The following BBS9 variants were observed in gnomAD, a reference collection of about 807,000 sequenced individuals.
The protein encoded by BBS9 is Bardet-Biedl syndrome 9, also known as protein PTHB1.
A neutral mutation model predicts 117.7 loss-of-function variants in BBS9; 89 were observed. The ratio of observed to expected loss-of-function variants is 0.76; its 90% CI spans 0.64 to 0.90. BBS9 has a LOEUF of 0.90. BBS9 is among the 40% of genes least tolerant of loss of function. The probability of loss-of-function intolerance (pLI) is 0.00; values close to 1 mark genes in which losing one functional copy is unlikely to be tolerated. For synonymous variants in BBS9, 379 were observed against 370.9 expected, an observed-to-expected ratio of 1.02 and a Z score of -0.25; for missense variants, 982 against 1,042.2, an observed-to-expected ratio of 0.94 and a Z score of 0.80.
intron 1 of BBS9, among the ~76,000 whole-genome samples, chr7:33,131,186 G>A (rs189304534): frequency 2.4e-4 from 37 of 152,264 alleles, no homozygotes; most frequent in Admixed American, 4.6e-4. Context: ...CACTACCACC[G>A]TCTCTTTCAA....
chr7:33,514,069 A>G (rs536069104), intron 20 of BBS9, among the ~76,000 whole-genome samples: 2 of 152,354 alleles, frequency 1.3e-5, no homozygotes, highest in East Asian at 3.9e-4. Flanking sequence ...AAGCAACCTA[A>G]AAGCTAATAG....
intron 5 of BBS9, among the ~76,000 whole-genome samples, chr7:33,256,372 T>C (rs767161518): frequency 4.6e-5 from 7 of 152,228 alleles, no homozygotes; most frequent in Non-Finnish European, 1.0e-4. Context: ...ACAATACTTA[T>C]CCTAGAACAT....
chr7:33,176,572 C>T (rs150269788), intron 4 of BBS9, among the ~76,000 whole-genome samples: 8 of 152,068 alleles, frequency 5.3e-5, no homozygotes, highest in Admixed American at 2.0e-4. Context: ...TTCTTCTGGA[C>T]AAACAAACCC....
chr7:33,170,302 G>A (rs1224014059), intron 4 of BBS9, among the ~76,000 whole-genome samples: 1 of 147,018 alleles, frequency 6.8e-6, no homozygotes, highest in Admixed American at 6.8e-5. Context: ...TTCAATATAT[G>A]CAAATCAATA....
At chr7:33,597,085 A>T (rs948030193) in intron 21 of BBS9, among the ~76,000 whole-genome samples, 2 of 147,652 alleles carry the variant, frequency 1.4e-5, no homozygotes, top group Non-Finnish European at 3.0e-5. Flanking sequence ...ACACACACAC[A>T]CACACACACA....
intron 19 of BBS9, among the ~76,000 whole-genome samples, chr7:33,425,898 T>C (rs965435443): frequency 7.9e-5 from 12 of 152,098 alleles, no homozygotes; most frequent in South Asian, 2.1e-4. Context: ...GAGAACAAAC[T>C]AAAGTAAGCA....
At chr7:33,306,076 G>T (rs914443730) in intron 9 of BBS9, among the ~76,000 whole-genome samples, 7 of 151,972 alleles carry the variant, frequency 4.6e-5, no homozygotes, top group Non-Finnish European at 1.0e-4. Context: ...ATATCTCATA[G>T]ATTTTGGTAT....
At chr7:33,190,123 T>G (rs1343242863) in intron 5 of BBS9, among the ~76,000 whole-genome samples, 1 of 144,770 alleles carries the variant, frequency 6.9e-6, no homozygotes, top group Non-Finnish European at 1.5e-5. Flanking sequence ...TGGGGATTTT[T>G]TTTTTTTTTT....
At chr7:33,137,585 G>A (rs915784889) in intron 1 of BBS9, among the ~76,000 whole-genome samples, 4 of 152,108 alleles carry the variant, frequency 2.6e-5, no homozygotes, top group African/African-American at 9.7e-5. Flanking sequence ...GGAAATTAGT[G>A]GTATCCCAAC....
intron 4 of BBS9, among the ~76,000 whole-genome samples, chr7:33,164,955 G>A (rs1029223162): frequency 1.1e-4 from 17 of 152,114 alleles, no homozygotes; most frequent in Middle Eastern, 3.4e-3. Context: ...GTGTTTTTGC[G>A]GTGGCTGATA....
intron 21 of BBS9, among the ~76,000 whole-genome samples, chr7:33,575,689 A>T (rs577251128): frequency 6.6e-6 from 1 of 152,192 alleles, no homozygotes; most frequent in Non-Finnish European, 1.5e-5. Context: ...CCAGCAGCAC[A>T]TCAAAAAGCT....
In BBS9 at chr7:33,146,288, T is replaced by A. The variant is rs763234464; in HGVS notation, c.36T>A (p.Thr12=). 6.2e-7 allele frequency: 1 copy of A among 1,614,136 alleles called. No individual in the cohort carries two copies. Among genetic ancestry groups the A allele is most frequent in the Non-Finnish European group, 8.5e-7 (1 of 1,179,968 alleles). Residue 12 remains threonine (T), a synonymous_variant, in exon 2 of 23, where the codon ACT becomes ACA. Coordinates refer to ENST00000242067, the MANE Select transcript of BBS9 (RefSeq NM_198428.3). ...SLFKARDWWS[T]ILGDKEEFDQ... ...TTAAAGCCCGTGATTGGTGGTCTAC[T>A]ATTCTGGGAGATAAAGAAGAATTTG...
intron 5 of BBS9, among the ~76,000 whole-genome samples, chr7:33,178,111 T>C (rs1016693174): frequency 9.2e-5 from 14 of 152,284 alleles, no homozygotes; most frequent in African/African-American, 3.4e-4. Context: ...CAAACACCTC[T>C]CTCCACTCTA....
At chr7:33,559,984 A>G (rs1855850128) in intron 21 of BBS9, among the ~76,000 whole-genome samples, 1 of 152,000 alleles carries the variant, frequency 6.6e-6, no homozygotes, top group Admixed American at 6.6e-5. Context: ...TCATAATTCC[A>G]ATATTGCCTA....
intron 19 of BBS9, among the ~76,000 whole-genome samples, chr7:33,449,427 A>G (rs1837456538): frequency 6.6e-6 from 1 of 152,204 alleles, no homozygotes; most frequent in Non-Finnish European, 1.5e-5. Context: ...ATGCTTCACC[A>G]ATAAATAGCT....
chr7:33,132,621 A>AC (rs1438889591), intron 1 of BBS9, among the ~76,000 whole-genome samples: 2 of 152,230 alleles, frequency 1.3e-5, no homozygotes, highest in Non-Finnish European at 2.9e-5. Context: ...TATTTAAAAC[A>AC]CTTTTTGTTT....
At chr7:33,418,458 A>G (rs145195013) in intron 19 of BBS9, among the ~76,000 whole-genome samples, 102 of 152,180 alleles carry the variant, frequency 6.7e-4, no homozygotes, top group African/African-American at 2.3e-3. Context: ...CTCGTGTTCT[A>G]TTTCTTTTTT....
chr7:33,321,430 T>G (rs1482313111), intron 9 of BBS9, among the ~76,000 whole-genome samples: 1 of 152,154 alleles, frequency 6.6e-6, no homozygotes, highest in Non-Finnish European at 1.5e-5. Flanking sequence ...ATAGTTTTCA[T>G]TGTAGAGACC....
chr7:33,257,496 TCA>T (rs3834871), intron 6 of BBS9, 86 bp downstream of exon 6: 218,718 of 1,154,650 alleles, frequency 0.19, 23,376 homozygotes, highest in Non-Finnish European at 0.21. Context: ...AGCTTCAATA[TCA>T]CAAATGAAAA....
Sources: gnomAD v4.1 joint callset for allele counts (sites outside exome capture counted in the v4.1 genomes callset) on GRCh38, gnomAD v4.1.1 for gene constraint, MANE v1.5 for transcripts, NCBI Gene and HGNC (gene_info 2026-07-23, HGNC 2026-07-21) for gene names.